Variants in KCNU1 observed in about 807,000 individuals in gnomAD.
KCNU1 encodes potassium channel subfamily U member 1.
A neutral mutation model predicts 126.8 loss-of-function variants in KCNU1; 93 were observed. The ratio of observed to expected loss-of-function variants is 0.73; its 90% CI spans 0.62 to 0.87. The LOEUF is 0.87. KCNU1 is among the 40% of genes least tolerant of loss of function. KCNU1 has a pLI of 0.00. For synonymous variants in KCNU1, 523 were observed against 494.2 expected (o/e 1.06, Z -0.77); for missense variants, 1,330 against 1,367.1 (o/e 0.97, Z 0.43).
At chr8:36,855,142 T>C (rs1438002123) in intron 18 of KCNU1, among the ~76,000 whole-genome samples, 2 of 152,176 alleles carry the variant, frequency 1.3e-5, no homozygotes, top group Non-Finnish European at 2.9e-5. Flanking sequence ...GCCTTTCTGC[T>C]TATGCATACA....
chr8:36,922,241 G>A (rs772164513), intron 23 of KCNU1, among the ~76,000 whole-genome samples: 2 of 152,110 alleles, frequency 1.3e-5, no homozygotes, highest in Non-Finnish European at 2.9e-5. Context: ...TTGAGAAACT[G>A]AGCCTGTGCT....
rs762370973 is a variant in KCNU1 at position 36,935,901 on chromosome 8, C to T, written c.3431C>T (p.Ala1144Val). Residue 1144 changes from alanine (A) to valine (V), a missense_variant, in exon 27 of 27, where the codon GCA becomes GTA. Transcript: ENST00000399881. ...SDEVYDEDPF[A>V]YSEPL ...GAGGTTTATGATGAGGATCCCTTTG[C>T]ATATTCAGAGCCACTATAGACCTGC... 3 of 1,597,352 alleles carry T rather than the reference C, an allele frequency of 1.9e-6. No homozygotes were observed. Among genetic ancestry groups the T allele is most frequent in the South Asian group, 2.3e-5 (2 of 87,912 alleles).
intron 1 of KCNU1, among the ~76,000 whole-genome samples, chr8:36,785,169 C>A (rs945669349): frequency 6.6e-6 from 1 of 152,094 alleles, no homozygotes; most frequent in African/African-American, 2.4e-5. Flanking sequence ...ACAAGCTTAG[C>A]AGGAGTTGAT....
At chr8:36,797,909 C>T (rs987024607) in intron 2 of KCNU1, among the ~76,000 whole-genome samples, 8 of 152,198 alleles carry the variant, frequency 5.3e-5, no homozygotes, top group Non-Finnish European at 8.8e-5. Context: ...TTTTGTGAGG[C>T]GGGGCCAGAA....
rs1200659878 is a variant in KCNU1 at position 36,834,883 on chromosome 8, T to G, written c.1295+15T>G. 3 of 1,534,084 alleles carry G rather than the reference T, an allele frequency of 2.0e-6. No homozygotes were observed. The highest frequency in any genetic ancestry group is 2.7e-6 in the Non-Finnish European group (3 of 1,110,080). On this transcript the variant is annotated intron_variant, in intron 12 of 26. Coordinates refer to ENST00000399881, the MANE Select transcript of KCNU1 (RefSeq NM_001031836.3). ...AACATTATGAGGTAAGAAGCTGTGT[T>G]TTGTATGCTATAACGATTATTTTTT...
Position 36,876,779 on chromosome 8 carries a change from G to A in KCNU1, c.2009+12258G>A, listed in dbSNP as rs143395567. 3.3e-4 allele frequency among the ~76,000 whole-genome samples: 50 copies of A among 152,238 alleles called. 1 individual carries two copies. The highest frequency in any genetic ancestry group is 1.1e-3 in the African/African-American group (47 of 41,564). On this transcript the variant is annotated intron_variant, in intron 19 of 26. Coordinates refer to ENST00000399881, the MANE Select transcript of KCNU1 (RefSeq NM_001031836.3). ...AAACAGTACTTTTCAAGGTAGGTGTGTATGTAGGTATGGATATAAAAATGT... is the reference window on the plus strand; with the variant it reads ...AAACAGTACTTTTCAAGGTAGGTGTATATGTAGGTATGGATATAAAAATGT...
At chr8:36,882,133 CTTT>C in intron 19 of KCNU1, among the ~76,000 whole-genome samples, 1 of 152,294 alleles carries the variant, frequency 6.6e-6, no homozygotes, top group Middle Eastern at 3.4e-3. Flanking sequence ...ATCATTTCTT[CTTT>C]TATGTCATTT....
chr8:36,844,820 G>A (rs1284332712), intron 16 of KCNU1, among the ~76,000 whole-genome samples: 1 of 152,124 alleles, frequency 6.6e-6, no homozygotes, highest in Admixed American at 6.6e-5. Context: ...GGAATTATAG[G>A]GTTTTGAGAC....
intron 18 of KCNU1, among the ~76,000 whole-genome samples, chr8:36,858,090 AC>A (rs1805594492): frequency 2.8e-5 from 4 of 144,524 alleles, no homozygotes; most frequent in Admixed American, 7.3e-5. Context: ...GCTATTCCAC[AC>A]CCAAAACTAA....
chr8:36,888,431 C>T, intron 19 of KCNU1: 1 of 405,530 alleles, frequency 2.5e-6, no homozygotes, highest in Non-Finnish European at 5.0e-6. Flanking sequence ...CTCTGAACTC[C>T]AGGCTTCTGC....
At chr8:36,893,458 G>T (rs1378883720) in intron 19 of KCNU1, among the ~76,000 whole-genome samples, 1 of 151,840 alleles carries the variant, frequency 6.6e-6, no homozygotes, top group East Asian at 1.9e-4. Flanking sequence ...ATAAAGATAA[G>T]CCCTGTGAGT....
chr8:36,786,881 C>T (rs915313398), intron 1 of KCNU1, among the ~76,000 whole-genome samples: 1 of 152,148 alleles, frequency 6.6e-6, no homozygotes, highest in Non-Finnish European at 1.5e-5. Flanking sequence ...CCCCTTCTCT[C>T]ACAAAATGCG....
chr8:36,892,677 A>T (rs923818395), intron 19 of KCNU1, among the ~76,000 whole-genome samples: 4 of 152,022 alleles, frequency 2.6e-5, no homozygotes, highest in Non-Finnish European at 4.4e-5. Flanking sequence ...TTGCACTGAG[A>T]TTTCCTTAAA....
intron 22 of KCNU1, among the ~76,000 whole-genome samples, 194 bp from the exon 23 acceptor site, chr8:36,918,629 C>T (rs1227612270): frequency 6.6e-6 from 1 of 151,902 alleles, no homozygotes; most frequent in Non-Finnish European, 1.5e-5. Context: ...CTCCCCTCCC[C>T]ACATTTATCT....
intron 19 of KCNU1, among the ~76,000 whole-genome samples, chr8:36,874,499 G>A (rs1456970378): frequency 6.6e-6 from 1 of 152,086 alleles, no homozygotes; most frequent in African/African-American, 2.4e-5. Flanking sequence ...AGAGTGGCAG[G>A]ACATTCATGT....
At chr8:36,845,934 A>G (rs1388088408) in intron 18 of KCNU1, 35 bp downstream of exon 18, 1 of 1,258,464 alleles carries the variant, frequency 7.9e-7, no homozygotes, top group South Asian at 1.3e-5. Flanking sequence ...TCCTTAGCCC[A>G]GCCTCTAGGG....
chr8:36,930,821 G>A (rs1808678819), intron 24 of KCNU1, 130 bp from the exon 25 acceptor site: 1 of 557,692 alleles, frequency 1.8e-6, no homozygotes, highest in Admixed American at 4.0e-5. Context: ...TAATAATAAT[G>A]AGAAACACTG....
intron 2 of KCNU1, chr8:36,795,489 T>C: frequency 6.6e-6 from 1 of 152,670 alleles, no homozygotes; most frequent in East Asian, 1.9e-4. Context: ...CTGGATGGTG[T>C]GTACCTGATC....
intron 16 of KCNU1, among the ~76,000 whole-genome samples, chr8:36,842,350 G>A (rs1260189438): frequency 6.6e-6 from 1 of 152,206 alleles, no homozygotes; most frequent in Non-Finnish European, 1.5e-5. Flanking sequence ...ACAGGATATA[G>A]AAAGCATCTG....
Sources: allele counts gnomAD v4.1 joint callset (sites outside exome capture counted in the v4.1 genomes callset), GRCh38; gene constraint gnomAD v4.1.1; transcripts MANE v1.5; gene names NCBI Gene and HGNC (gene_info 2026-07-23, HGNC 2026-07-21).